LRRC37B: variants seen among roughly 807,000 people sequenced by gnomAD.
LRRC37B encodes the protein leucine rich repeat containing 37B.
In LRRC37B, 28 loss-of-function variants were observed where a neutral mutation model predicts 98.3. The ratio of observed to expected loss-of-function variants is 0.28; its 90% confidence interval spans 0.21 to 0.39. LRRC37B has a LOEUF of 0.39. Ranked by LOEUF, LRRC37B falls within the 10% of genes least tolerant of loss-of-function variation. The probability of loss-of-function intolerance (pLI) is 1.00; values close to 1 mark genes in which losing one functional copy is unlikely to be tolerated. For synonymous variants in LRRC37B, 364 were observed against 442.7 expected (o/e 0.82, Z 2.23); for missense variants, 938 against 1,182.7 (o/e 0.79, Z 3.03).
intron 5 of LRRC37B, among the ~76,000 whole-genome samples, chr17:32,033,586 A>G (rs1243781537): frequency 1.3e-5 from 2 of 152,302 alleles, no homozygotes; most frequent in Admixed American, 6.5e-5. Flanking sequence ...CAATAATAAT[A>G]TCTACCACAT....
chr17:32,048,086 C>T (rs1267155987), intron 9 of LRRC37B, 185 bp downstream of exon 12: 2 of 1,095,242 alleles, frequency 1.8e-6, no homozygotes, highest in African/African-American at 1.6e-5. Flanking sequence ...GAAAGAGCCC[C>T]TCACAGTCCA....
chr17:32,053,418 C>T, exon 12 of LRRC37B: 1 of 825,260 alleles, frequency 1.2e-6, no homozygotes, highest in Non-Finnish European at 1.9e-6. Flanking sequence ...TGAAAACTTT[C>T]TTTACTTTGT....
chr17:32,045,663 T>C (rs1911550516), intron 7 of LRRC37B, 37 bp from the exon 11 acceptor site: 2 of 1,603,008 alleles, frequency 1.2e-6, no homozygotes, highest in Non-Finnish European at 8.5e-7. Context: ...AGTAACCGCT[T>C]TACCACTAAT....
chr17:32,014,129 G>T (rs1396270127), intron 1 of LRRC37B, among the ~76,000 whole-genome samples: 1 of 152,064 alleles, frequency 6.6e-6, no homozygotes, highest in Non-Finnish European at 1.5e-5. Flanking sequence ...TGCCTATGTT[G>T]TCCCCGATAA....
At chr17:32,045,873 T>C (rs7213748) in intron 8 of LRRC37B, 55 bp downstream of exon 11, 9,368 of 1,511,778 alleles carry the variant, frequency 6.2e-3, no homozygotes, top group African/African-American at 0.058. Flanking sequence ...TATTTGTTTT[T>C]AAATTTTTAT....
At chr17:32,007,779 A>G, upstream of LRRC37B, 4 of 1,190,338 alleles carry the variant, frequency 3.4e-6, no homozygotes, top group Non-Finnish European at 4.2e-6. The surrounding 1 kb of genome is among the most constrained non-coding windows in gnomAD (Gnocchi z 4.1). Context: ...GGTGGCGCCC[A>G]AGACGCGGCT....
exon 1 of LRRC37B, chr17:32,022,058 A>G (rs370731623): frequency 2.9e-5 from 46 of 1,613,896 alleles, no homozygotes; most frequent in Non-Finnish European, 3.6e-5. Context: ...AGGAGGCCCC[A>G]GCTCTGCCTC....
chr17:32,048,224 A>G (rs1598214980), intron 9 of LRRC37B, among the ~76,000 whole-genome samples: 1 of 152,004 alleles, frequency 6.6e-6, no homozygotes, highest in South Asian at 2.1e-4. Flanking sequence ...CAGAGTCCTC[A>G]TGGGCCCAAG....
chr17:32,020,632 C>T, upstream of LRRC37B: 1 of 426,682 alleles, frequency 2.3e-6, no homozygotes, highest in Non-Finnish European at 3.2e-6. Flanking sequence ...AAAACGGCAA[C>T]ATTTTGGAAT....
At chr17:32,012,205 C>G (rs1442702098) in intron 1 of LRRC37B, among the ~76,000 whole-genome samples, 3 of 152,250 alleles carry the variant, frequency 2.0e-5, no homozygotes, top group East Asian at 3.9e-4. Flanking sequence ...TTCCTGTCTG[C>G]TTGTTCTAGT....
intron 2 of LRRC37B, among the ~76,000 whole-genome samples, chr17:32,025,075 C>G (rs1481534430): frequency 1.6e-5 from 1 of 63,196 alleles, no homozygotes; most frequent in Non-Finnish European, 2.8e-5. Flanking sequence ...CTTACTTTGT[C>G]CCCTGGGCTG....
intron 1 of LRRC37B, among the ~76,000 whole-genome samples, chr17:32,012,379 C>T (rs1413486310): frequency 6.6e-6 from 1 of 152,212 alleles, no homozygotes; most frequent in Non-Finnish European, 1.5e-5. Context: ...ACCCCTTTAT[C>T]ATTCTGAAAT....
At chr17:32,033,763 T>C (rs1262522834) in intron 5 of LRRC37B, among the ~76,000 whole-genome samples, 1 of 152,230 alleles carries the variant, frequency 6.6e-6, no homozygotes, top group Non-Finnish European at 1.5e-5. Context: ...GTTTCTTTTC[T>C]TTTTCTTGTT....
intron 1 of LRRC37B, among the ~76,000 whole-genome samples, chr17:32,009,086 T>G (rs780567698): frequency 6.6e-6 from 1 of 152,168 alleles, no homozygotes; most frequent in Non-Finnish European, 1.5e-5. Flanking sequence ...GTATCCTCCC[T>G]AGCACTTGAT....
At chr17:32,041,787 T>C (rs1020744787) in intron 7 of LRRC37B, 1 of 458,522 alleles carries the variant, frequency 2.2e-6, no homozygotes, top group African/African-American at 2.0e-5. Flanking sequence ...GCCGGCCTCC[T>C]CCCTGCTCCC....
At chr17:32,026,995 G>A (rs1001911738) in intron 2 of LRRC37B, among the ~76,000 whole-genome samples, 1 of 152,200 alleles carries the variant, frequency 6.6e-6, no homozygotes, top group Admixed American at 6.5e-5. Flanking sequence ...TCTGAGACCA[G>A]TGTGGGTAAC....
At chr17:32,042,684 A>C (rs1330696683) in intron 7 of LRRC37B, 1 of 152,588 alleles carries the variant, frequency 6.6e-6, no homozygotes, top group Non-Finnish European at 1.5e-5. Flanking sequence ...AAGCCTCCGG[A>C]CCCCAGGCTC....
intron 7 of LRRC37B, among the ~76,000 whole-genome samples, chr17:32,036,761 A>G (rs1461829600): frequency 6.6e-6 from 1 of 152,106 alleles, no homozygotes; most frequent in Non-Finnish European, 1.5e-5. Context: ...ATTTTTTGCA[A>G]TTATGAATAA....
chr17:32,027,639 G>A (rs1598206348), intron 2 of LRRC37B, 130 bp from the exon 6 acceptor site: 6 of 1,114,942 alleles, frequency 5.4e-6, no homozygotes, highest in East Asian at 5.6e-5. Context: ...AGGTTTGAAC[G>A]AAAGCAGAGC....
Sources: allele counts gnomAD v4.1 joint callset (sites outside exome capture counted in the v4.1 genomes callset), GRCh38; gene constraint gnomAD v4.1.1; non-coding constraint Gnocchi (gnomAD v3.1); transcripts MANE v1.5; gene names NCBI Gene and HGNC (gene_info 2026-07-23, HGNC 2026-07-21).